The following CCNE1 variants were observed in gnomAD, a reference collection of about 807,000 sequenced individuals.
CCNE1 encodes G1/S-specific cyclin-E1.
Under a neutral mutation model 54.1 loss-of-function variants are expected in CCNE1, and 8 were observed. The observed-to-expected ratio is 0.15, with a 90% CI of 0.09 to 0.27. The LOEUF (loss-of-function observed/expected upper bound fraction) is 0.27. Among genes scored for constraint, CCNE1 ranks in the 10% least tolerant of loss-of-function variants. The pLI, the probability that CCNE1 is intolerant of heterozygous loss-of-function variation, is 1.00. For synonymous variants in CCNE1, 179 were observed against 185.2 expected (o/e 0.97, Z 0.27); for missense variants, 430 against 514.9 (o/e 0.84, Z 1.60).
At chr19:29,815,322 A>G (rs557258052) in intron 4 of CCNE1, among the ~76,000 whole-genome samples, 1 of 152,204 alleles carries the variant, frequency 6.6e-6, no homozygotes, top group South Asian at 2.1e-4. Flanking sequence ...GAGTTAAGGA[A>G]ATGCCACCCG....
intron 6 of CCNE1, 34 bp from the exon 7 acceptor site, chr19:29,820,668 T>TA (rs1483192658): frequency 2.6e-6 from 4 of 1,530,682 alleles, no homozygotes; most frequent in Non-Finnish European, 2.7e-6. Context: ...AAGTAAAACT[T>TA]ACTTGTGCTA....
At chr19:29,818,226 C>T (rs1974072979) in intron 6 of CCNE1, among the ~76,000 whole-genome samples, 1 of 152,148 alleles carries the variant, frequency 6.6e-6, no homozygotes, top group Admixed American at 6.5e-5. Flanking sequence ...TGGGGTTTCA[C>T]CGTGTTAGCC....
chr19:29,819,643 A>G (rs1210186817), intron 6 of CCNE1, among the ~76,000 whole-genome samples: 2 of 152,244 alleles, frequency 1.3e-5, no homozygotes, highest in Non-Finnish European at 2.9e-5. Context: ...AAGAACAAGT[A>G]TAACAACATT....
intron 6 of CCNE1, among the ~76,000 whole-genome samples, chr19:29,819,042 C>T (rs1270696972): frequency 1.3e-5 from 2 of 151,746 alleles, no homozygotes; most frequent in Non-Finnish European, 2.9e-5. Context: ...GGATTACAGG[C>T]GTGAGCCACT....
At chr19:29,820,586 A>C in intron 6 of CCNE1, 116 bp from the exon 7 acceptor site, 1 of 722,384 alleles carries the variant, frequency 1.4e-6, no homozygotes, top group Non-Finnish European at 2.3e-6. Context: ...TCAATTGTTG[A>C]GTTCAGGAAC....
chr19:29,817,727 T>C (rs1210435059), intron 6 of CCNE1, among the ~76,000 whole-genome samples, 186 bp downstream of exon 6: 1 of 152,246 alleles, frequency 6.6e-6, no homozygotes, highest in East Asian at 1.9e-4. Context: ...TGAAATCTTT[T>C]TATCCTTCAG....
intron 4 of CCNE1, among the ~76,000 whole-genome samples, chr19:29,814,425 TG>T (rs1973964025): frequency 6.6e-6 from 1 of 152,182 alleles, no homozygotes; most frequent in Non-Finnish European, 1.5e-5. Flanking sequence ...TGGGACGGAT[TG>T]TGGCTCTGTC....
At chr19:29,813,078 C>G (rs776238524) in intron 4 of CCNE1, 41 bp downstream of exon 4, 2 of 1,563,958 alleles carry the variant, frequency 1.3e-6, no homozygotes, top group Non-Finnish European at 8.8e-7. Context: ...AGGTCCTTCT[C>G]CCCCTGGGTC....
rs1285396954 is a variant in CCNE1, at chr19:29,818,963, A to G, written c.462+1422A>G. Among the ~76,000 whole-genome samples the G allele has an allele frequency of 5.3e-5, 8 of 150,344 alleles. No individual in the cohort carries two copies. In the Admixed American group the frequency reaches 5.3e-4, roughly 10 times the overall value. On this transcript the variant is annotated intron_variant, in intron 6 of 11. Coordinates refer to ENST00000262643, the MANE Select transcript of CCNE1 (RefSeq NM_001238.4). Reference sequence around the variant, plus strand: ...TTTTAGTAGAGACGGGGTTTCCTCCATGTTGGTCAGGCTGGTCTTGAAGTC... The same window carrying G: ...TTTTAGTAGAGACGGGGTTTCCTCCGTGTTGGTCAGGCTGGTCTTGAAGTC...
chr19:29,819,889 G>A lies in CCNE1; in HGVS notation c.463-813G>A, dbSNP rs926515573. On this transcript the variant is annotated intron_variant, in intron 6 of 11. Transcript: ENST00000262643. ...AACTACAGAAGTACCCCTCATCCTC[G>A]GGGGTACATCCCAAGACCCGCAGGA... is the stretch of plus-strand genomic sequence containing the variant. 6.4e-4 allele frequency among the ~76,000 whole-genome samples: 98 copies of A among 152,270 alleles called. 1 individual carries two copies. Among genetic ancestry groups the A allele is most frequent in the African/African-American group, 2.1e-3 (89 of 41,548 alleles).
At chr19:29,813,235 G>A (rs1973936986) in intron 4 of CCNE1, 198 bp downstream of exon 4, 1 of 595,582 alleles carries the variant, frequency 1.7e-6, no homozygotes, top group Admixed American at 3.0e-5. Context: ...AGGAAGCTTG[G>A]TGTTCCTGAC....
chr19:29,818,880 A>G (rs1376191488), intron 6 of CCNE1, among the ~76,000 whole-genome samples: 1 of 151,360 alleles, frequency 6.6e-6, no homozygotes, highest in Non-Finnish European at 1.5e-5. Flanking sequence ...TTCTTGCCTC[A>G]GGCTCCCGAG....
chr19:29,823,009 A>G (rs1232861868), intron 11 of CCNE1, among the ~76,000 whole-genome samples: 2 of 152,136 alleles, frequency 1.3e-5, no homozygotes, highest in Non-Finnish European at 2.9e-5. Context: ...ATATCCTTGA[A>G]AAACTCCAAT....
At position 29,823,672 on chromosome 19, in the gene CCNE1, G is replaced by T; in HGVS notation, c.1128G>T (p.Lys376Asn). Residue 376 changes from lysine to asparagine, a missense_variant, in exon 12 of 12, where the codon AAG (lysine) becomes AAT (asparagine). Transcript: ENST00000262643. ...ACCAACAGGACAAAGCCCGAGCAAA[G>T]AAAGCCATGTTGTCTGAACAAAATA... ...SLDLLDKARA[K>N]KAMLSEQNRA... 6.2e-7 allele frequency: 1 copy of T among 1,613,970 alleles called. No individual in the cohort carries two copies. The highest frequency in any genetic ancestry group is 1.7e-4 in the Middle Eastern group (1 of 6,060).
intron 4 of CCNE1, among the ~76,000 whole-genome samples, chr19:29,815,299 T>C (rs187685566): frequency 8.5e-4 from 129 of 152,346 alleles, no homozygotes; most frequent in African/African-American, 3.1e-3. Context: ...GCGGTTGTAA[T>C]GTGACCCTTT....
chr19:29,814,218 A>G (rs1309030834), intron 4 of CCNE1, among the ~76,000 whole-genome samples: 2 of 152,172 alleles, frequency 1.3e-5, no homozygotes, highest in Non-Finnish European at 2.9e-5. Flanking sequence ...ATTCAAATCA[A>G]GCAAGTTGAT....
At chr19:29,818,237 A>G (rs1267129363) in intron 6 of CCNE1, among the ~76,000 whole-genome samples, 1 of 152,172 alleles carries the variant, frequency 6.6e-6, no homozygotes, top group Admixed American at 6.5e-5. Flanking sequence ...CGTGTTAGCC[A>G]GGATGGTCTC....
intron 6 of CCNE1, among the ~76,000 whole-genome samples, chr19:29,818,217 G>T (rs1974072581): frequency 6.6e-6 from 1 of 152,100 alleles, no homozygotes. Context: ...TAGTAGAAAT[G>T]GGGTTTCACC....
At chr19:29,817,857 C>CTTTTTTTTTT (rs34598025) in intron 6 of CCNE1, among the ~76,000 whole-genome samples, 16 of 95,910 alleles carry the variant, frequency 1.7e-4, no homozygotes, top group East Asian at 4.1e-4. Context: ...CATTAAATTG[C>CTTTTTTTTTT]TTTTTTTTTT....
Sources: gnomAD v4.1 joint callset for allele counts (sites outside exome capture counted in the v4.1 genomes callset) on GRCh38, gnomAD v4.1.1 for gene constraint, MANE v1.5 for transcripts, NCBI Gene and HGNC (gene_info 2026-07-23, HGNC 2026-07-21) for gene names.